The following LGALS4 variants were observed in gnomAD, a reference collection of about 807,000 sequenced individuals.
The protein encoded by LGALS4 is galectin-4.
Under a neutral mutation model 39.6 loss-of-function variants are expected in LGALS4, and 37 were observed. The observed-to-expected ratio is 0.93, with a 90% confidence interval of 0.72 to 1.23. LGALS4 has a LOEUF of 1.23. Among genes scored for constraint, LGALS4 ranks in the 50% most tolerant of loss-of-function variants. The pLI is 0.00. For synonymous variants in LGALS4, 160 were observed against 165.5 expected (o/e 0.97, Z 0.25); for missense variants, 397 against 433.2 (o/e 0.92, Z 0.74).
Position 38,808,639 on chromosome 19 carries a change from A to G in LGALS4, c.339+105T>C, listed in dbSNP as rs923101643. ...ACTCCATCTCAAAAAAAAAAAAAAA[A>G]AAAAGAAAGAAAGAAAGAAAAGGAA... On this transcript the variant is annotated intron_variant, in intron 3 of 9. Coordinates refer to ENST00000307751, the MANE Select transcript of LGALS4 (RefSeq NM_006149.4). 2.9e-4 allele frequency: 271 copies of G among 919,222 alleles called. 3 individuals carry two copies. Among genetic ancestry groups the G allele is most frequent in the Non-Finnish European group, 1.3e-4 (78 of 619,758 alleles). The allele number at this position is 919,222 out of a possible 1,614,324, so 56.9% of individuals were successfully genotyped here.
intron 6 of LGALS4, 76 bp downstream of exon 6, chr19:38,803,666 C>A (rs766565396): frequency 1.3e-6 from 2 of 1,596,120 alleles, no homozygotes; most frequent in Non-Finnish European, 1.7e-6. Context: ...TGGGCTGCAA[C>A]CCCTCTTAGC....
chr19:38,804,057 G>A (rs1015959028), intron 4 of LGALS4, among the ~76,000 whole-genome samples, 162 bp from the exon 5 acceptor site: 2 of 152,142 alleles, frequency 1.3e-5, no homozygotes, highest in East Asian at 1.9e-4. Context: ...ACGGAGAGGG[G>A]CACCCCATGT....
intron 3 of LGALS4, 77 bp from the exon 4 acceptor site, chr19:38,806,672 C>A: frequency 6.7e-7 from 1 of 1,490,686 alleles, no homozygotes. Flanking sequence ...AAGGGCAGGG[C>A]ACCCTGGCTC....
In LGALS4 at chr19:38,802,212, T is replaced by G. The variant is rs1301023981; in HGVS notation, c.660-55A>C. Reference sequence around the variant, plus strand: ...ATGGAGTCCAGTGGGAAGAGGCCAGTGGGCTGGACCTCTGAATCCCTAAAG... The same window carrying G: ...ATGGAGTCCAGTGGGAAGAGGCCAGGGGGCTGGACCTCTGAATCCCTAAAG... On this transcript the variant is annotated intron_variant, in intron 8 of 9. Transcript: ENST00000307751. The G allele has an allele frequency of 3.1e-6, 5 of 1,602,950 alleles. No homozygotes were observed. The African/African-American group carries it at 4.0e-5, about 13-fold the overall frequency.
Position 38,808,953 on chromosome 19 carries a change from C to G in LGALS4, c.135-5G>C. On this transcript the variant is annotated splice_region_variant and splice_polypyrimidine_tract_variant and intron_variant, in intron 2 of 9. Transcript: ENST00000307751. ...ACCACAAAGTTCACGAAGAACCTGGCGGGACACAAAGGGCTCATTCCCCTG... is the reference window on the plus strand; with the variant it reads ...ACCACAAAGTTCACGAAGAACCTGGGGGGACACAAAGGGCTCATTCCCCTG... 6.3e-7 allele frequency: 1 copy of G among 1,598,298 alleles called. No individual in the cohort carries two copies.
In LGALS4 at chr19:38,812,831, T is replaced by C. The variant is rs1276644575; in HGVS notation, c.45+11A>G. The C allele has an allele frequency of 4.3e-6, 7 of 1,610,926 alleles. No homozygotes were observed. Among genetic ancestry groups the C allele is most frequent in the South Asian group, 1.1e-5 (1 of 91,068 alleles). The stretch of plus-strand genomic sequence containing the variant: ...GCTGCGGGCGGAGTGGGGCCTGAGC[T>C]GGCATCTCACCGGGTTGTAGGTGGG... On this transcript the variant is annotated intron_variant, in intron 1 of 9. Transcript: ENST00000307751.
At chr19:38,811,749 C>T (rs1408597248) in intron 2 of LGALS4, among the ~76,000 whole-genome samples, 2 of 151,750 alleles carry the variant, frequency 1.3e-5, no homozygotes. Flanking sequence ...CGCAGTGGCT[C>T]ACGCCTGTAA....
intron 3 of LGALS4, among the ~76,000 whole-genome samples, chr19:38,808,356 G>A (rs1290442867): frequency 6.6e-6 from 1 of 151,918 alleles, no homozygotes; most frequent in African/African-American, 2.4e-5. Flanking sequence ...GGGTGTGGTG[G>A]CTCACGCCTG....
intron 3 of LGALS4, 52 bp from the exon 4 acceptor site, chr19:38,806,647 G>A: frequency 6.3e-7 from 1 of 1,597,930 alleles, no homozygotes; most frequent in Middle Eastern, 2.0e-4. Context: ...TCCTGGGAAG[G>A]TACAAACAGG....
At chr19:38,812,285 G>A in intron 2 of LGALS4, 146 bp downstream of exon 2, 1 of 666,100 alleles carries the variant, frequency 1.5e-6, no homozygotes, top group South Asian at 1.8e-5. Context: ...ATCTGCCCCA[G>A]ATTCATCTCT....
intron 2 of LGALS4, among the ~76,000 whole-genome samples, chr19:38,810,477 C>T (rs981256737): frequency 1.3e-5 from 2 of 151,118 alleles, no homozygotes; most frequent in African/African-American, 4.9e-5. Flanking sequence ...ATTCTCCTGC[C>T]TCAGCCTCCC....
rs138386804 is a variant in LGALS4 at position 38,801,871 on chromosome 19, C to A, written c.865G>T (p.Ala289Ser). The part of the protein sequence containing the change: ...RCGLDRFKVY[A>S]NGQHLFDFAH... ...AAGTCAAAGAGGTGCTGGCCATTGG[C>A]GTAAACCTTGAAGCGATCCAAGCCA... is the stretch of plus-strand genomic sequence containing the variant. The change falls in exon 10 of 10, where the codon GCC (alanine) becomes TCC (serine). Residue 289 changes from alanine (A) to serine (S), a missense_variant. Physicochemically the swap from Ala to Ser is moderately conservative, Grantham distance 99 (BLOSUM62 1). Transcript: ENST00000307751. 1 of 1,614,042 alleles carries A rather than the reference C, an allele frequency of 6.2e-7. No homozygotes were observed. The highest frequency in any genetic ancestry group is 2.2e-5 in the East Asian group (1 of 44,888).
Position 38,808,957 on chromosome 19 carries a change from A to T in LGALS4, c.135-9T>A. 6.3e-7 allele frequency: 1 copy of T among 1,594,898 alleles called. No homozygotes were observed. The highest frequency in any genetic ancestry group is 1.3e-5 in the African/African-American group (1 of 74,566). On this transcript the variant is annotated splice_polypyrimidine_tract_variant and intron_variant, in intron 2 of 9. Coordinates refer to ENST00000307751, the MANE Select transcript of LGALS4 (RefSeq NM_006149.4). ...CAAAGTTCACGAAGAACCTGGCGGG[A>T]CACAAAGGGCTCATTCCCCTGGTGC...
At chr19:38,801,964 G>C in intron 9 of LGALS4, 28 bp downstream of exon 9, 1 of 1,613,938 alleles carries the variant, frequency 6.2e-7, no homozygotes, top group Non-Finnish European at 8.5e-7. Flanking sequence ...GCCCTGGAAG[G>C]AAGTGGGAAA....
intron 4 of LGALS4, among the ~76,000 whole-genome samples, chr19:38,805,123 C>T (rs1971406720): frequency 6.7e-6 from 1 of 150,026 alleles, no homozygotes; most frequent in East Asian, 1.9e-4. Context: ...GTGATTGCAC[C>T]ACCACACTCC....
In LGALS4 at chr19:38,803,852, T is replaced by TA. The variant is rs1332109945; in HGVS notation, c.501+16dup. 3 of 1,612,246 alleles carry TA rather than the reference T, an allele frequency of 1.9e-6. No individual in the cohort carries two copies. Among genetic ancestry groups the TA allele is most frequent in the Non-Finnish European group, 2.5e-6 (3 of 1,179,122 alleles). On this transcript the variant is annotated intron_variant, in intron 5 of 9. Coordinates refer to ENST00000307751, the MANE Select transcript of LGALS4 (RefSeq NM_006149.4). Reference sequence around the variant, plus strand: ...CCCACTAGGGAGGAAGACCCTCACCTATCAGCAAGTACTTACAGGGTAAGG... The same window carrying TA: ...CCCACTAGGGAGGAAGACCCTCACCTAATCAGCAAGTACTTACAGGGTAAGG...
intron 2 of LGALS4, 79 bp from the exon 3 acceptor site, chr19:38,809,027 G>T: frequency 7.8e-7 from 1 of 1,277,930 alleles, no homozygotes; most frequent in Non-Finnish European, 1.1e-6. Context: ...CCCTCTCCCT[G>T]CCGCCCTGTC....
At chr19:38,806,119 G>A (rs764989735) in intron 4 of LGALS4, among the ~76,000 whole-genome samples, 5 of 152,072 alleles carry the variant, frequency 3.3e-5, no homozygotes, top group Non-Finnish European at 4.4e-5. Context: ...TGTAATCCCA[G>A]CACTTTGGGA....
intron 1 of LGALS4, 145 bp downstream of exon 1, chr19:38,812,697 A>G: frequency 1.0e-6 from 1 of 995,734 alleles, no homozygotes. Context: ...AGGTCAGGGT[A>G]GGAGTAAATC....
Sources: allele counts gnomAD v4.1 joint callset (sites outside exome capture counted in the v4.1 genomes callset), GRCh38; gene constraint gnomAD v4.1.1; transcripts MANE v1.5; gene names NCBI Gene and HGNC (gene_info 2026-07-23, HGNC 2026-07-21).